The following GALNT7 variants were observed in gnomAD, a reference collection of about 807,000 sequenced individuals.
The protein encoded by GALNT7 is polypeptide N-acetylgalactosaminyltransferase 7.
A neutral mutation model predicts 82.1 loss-of-function variants in GALNT7; 60 were observed. The observed-to-expected ratio is 0.73, with a 90% CI of 0.59 to 0.91. The LOEUF is 0.91. Ranked by LOEUF, GALNT7 falls within the 40% of genes least tolerant of loss-of-function variation. GALNT7 has a pLI of 0.00. For synonymous variants in GALNT7, 243 were observed against 275.1 expected (o/e 0.88, Z 1.15); for missense variants, 660 against 804.2 (o/e 0.82, Z 2.17).
intron 1 of GALNT7, among the ~76,000 whole-genome samples, chr4:173,191,061 C>G (rs1446822518): frequency 6.9e-6 from 1 of 145,404 alleles, no homozygotes; most frequent in Non-Finnish European, 1.5e-5. Flanking sequence ...TATTGGAGGA[C>G]TGAAAAAAAA....
intron 2 of GALNT7, among the ~76,000 whole-genome samples, chr4:173,283,606 G>A (rs998744751): frequency 2.0e-5 from 3 of 150,740 alleles, no homozygotes; most frequent in Non-Finnish European, 3.0e-5. Context: ...CACTGCACTC[G>A]GCCTGGGCGA....
chr4:173,177,586 G>T (rs780834513), intron 1 of GALNT7, among the ~76,000 whole-genome samples: 3 of 152,288 alleles, frequency 2.0e-5, no homozygotes, highest in Non-Finnish European at 4.4e-5. Flanking sequence ...AGAAGGCATA[G>T]ACAGAAGTAA....
At chr4:173,241,638 C>T (rs1428659786) in intron 1 of GALNT7, among the ~76,000 whole-genome samples, 3 of 152,062 alleles carry the variant, frequency 2.0e-5, no homozygotes, top group Admixed American at 1.3e-4. Context: ...TAAGAAGATA[C>T]CTTTGTTTTT....
At chr4:173,207,628 T>C (rs971508018) in intron 1 of GALNT7, among the ~76,000 whole-genome samples, 3 of 152,230 alleles carry the variant, frequency 2.0e-5, no homozygotes, top group Admixed American at 2.0e-4. Context: ...GTGCACCTTC[T>C]TAAATATTGT....
chr4:173,267,342 G>T (rs150889900), intron 2 of GALNT7, among the ~76,000 whole-genome samples: 1 of 152,188 alleles, frequency 6.6e-6, no homozygotes, highest in South Asian at 2.1e-4. Flanking sequence ...CCTGAAACGC[G>T]TACCTGAATG....
At chr4:173,269,476 C>T (rs1034299667) in intron 2 of GALNT7, among the ~76,000 whole-genome samples, 3 of 152,138 alleles carry the variant, frequency 2.0e-5, no homozygotes, top group Non-Finnish European at 2.9e-5. Flanking sequence ...CTATGGAACA[C>T]AGGAGGTCTT....
At chr4:173,249,718 T>C (rs1267557907) in intron 2 of GALNT7, among the ~76,000 whole-genome samples, 1 of 152,190 alleles carries the variant, frequency 6.6e-6, no homozygotes, top group East Asian at 1.9e-4. Flanking sequence ...TGGGACATAC[T>C]TAAAAATTTT....
At chr4:173,291,971 A>C (rs921752551) in intron 2 of GALNT7, 137 bp from the exon 3 acceptor site, 3 of 571,568 alleles carry the variant, frequency 5.2e-6, no homozygotes, top group Non-Finnish European at 9.2e-6. Context: ...CATTTCTGTT[A>C]AATTTTGAAG....
At chr4:173,295,279 G>T (rs2126834890) in intron 3 of GALNT7, 117 bp from the exon 4 acceptor site, 2 of 690,714 alleles carry the variant, frequency 2.9e-6, no homozygotes, top group Non-Finnish European at 5.1e-6. Context: ...CGTGCAATCT[G>T]GTCCATGTAA....
intron 11 of GALNT7, among the ~76,000 whole-genome samples, chr4:173,319,455 T>C (rs1179060192): frequency 1.3e-5 from 2 of 152,150 alleles, no homozygotes; most frequent in African/African-American, 4.8e-5. Flanking sequence ...CAATTGATGA[T>C]TTTGTTTCTT....
At chr4:173,318,684 T>G in intron 11 of GALNT7, 125 bp downstream of exon 11, 1 of 640,668 alleles carries the variant, frequency 1.6e-6, no homozygotes, top group Non-Finnish European at 2.7e-6. Context: ...TCCTCTCATT[T>G]AGTCCCTTGC....
chr4:173,262,826 T>C (rs1735329805), intron 2 of GALNT7, among the ~76,000 whole-genome samples: 1 of 152,316 alleles, frequency 6.6e-6, no homozygotes, highest in Non-Finnish European at 1.5e-5. Context: ...TCACAGAATA[T>C]TAAAAAGGCA....
chr4:173,178,161 A>G (rs1340249783), intron 1 of GALNT7, among the ~76,000 whole-genome samples: 1 of 152,056 alleles, frequency 6.6e-6, no homozygotes, highest in East Asian at 1.9e-4. Context: ...TTTTTTACTC[A>G]TGTCTGAAAT....
At chr4:173,276,429 G>A (rs1363792021) in intron 2 of GALNT7, among the ~76,000 whole-genome samples, 1 of 152,132 alleles carries the variant, frequency 6.6e-6, no homozygotes, top group East Asian at 1.9e-4. Context: ...ATTAGCCAAG[G>A]AAAAGAAGAG....
intron 1 of GALNT7, among the ~76,000 whole-genome samples, chr4:173,207,304 G>A (rs1172008276): frequency 1.3e-5 from 2 of 151,930 alleles, no homozygotes; most frequent in Admixed American, 6.6e-5. Context: ...TACATTTTTT[G>A]TGAAAAATAC....
chr4:173,180,843 G>T (rs1732226255), intron 1 of GALNT7, among the ~76,000 whole-genome samples: 1 of 152,120 alleles, frequency 6.6e-6, no homozygotes, highest in Non-Finnish European at 1.5e-5. Context: ...TAGACAATTT[G>T]ATCATTGTGT....
chr4:173,303,733 T>A (rs1013578149), intron 7 of GALNT7, among the ~76,000 whole-genome samples: 1 of 152,214 alleles, frequency 6.6e-6, no homozygotes, highest in African/African-American at 2.4e-5. Context: ...AAGGTTATAT[T>A]GGGAGAAAGT....
intron 2 of GALNT7, among the ~76,000 whole-genome samples, chr4:173,262,680 G>A (rs113510433): frequency 0.015 from 2,288 of 152,212 alleles, 67 homozygotes; most frequent in African/African-American, 0.052. Flanking sequence ...TCTTTCAAGT[G>A]AAAATGGCAT....
intron 2 of GALNT7, among the ~76,000 whole-genome samples, chr4:173,257,915 C>T (rs1452222403): frequency 2.0e-5 from 3 of 152,186 alleles, no homozygotes; most frequent in African/African-American, 7.2e-5. Flanking sequence ...GGATGTACTT[C>T]AACTTTTGTG....
Sources: gnomAD v4.1 joint callset for allele counts (sites outside exome capture counted in the v4.1 genomes callset) on GRCh38, gnomAD v4.1.1 for gene constraint, MANE v1.5 for transcripts, NCBI Gene and HGNC (gene_info 2026-07-23, HGNC 2026-07-21) for gene names.